HTD2: variants seen among roughly 807,000 people sequenced by gnomAD.
HTD2 encodes hydroxyacyl-thioester dehydratase type 2, mitochondrial.
Under a neutral mutation model 3.1 loss-of-function variants are expected in HTD2, and 1 was observed. That is an observed-to-expected ratio of 0.32 (90% CI 0.11 to 1.52). The LOEUF (loss-of-function observed/expected upper bound fraction) is 1.52, where lower values mean the gene tolerates loss of function less well. Ranked by LOEUF, HTD2 falls within the 40% of genes most tolerant of loss-of-function variation. HTD2 has a pLI of 0.39. For synonymous variants in HTD2, 50 were observed against 28.9 expected (o/e 1.73, Z -2.34); for missense variants, 150 against 79.6 (o/e 1.88, Z -3.36).
rs1281944050 is a variant in HTD2 at position 58,317,491 on chromosome 3, G to A, written c.-123G>A. On this transcript the variant is annotated 5_prime_UTR_variant, in exon 5 of 5. Transcript: ENST00000461393. ...TGGTAATAGTAGGGAACTAGTATTG[G>A]ATTGAATGAATAGTCTTCCATTTTG... The A allele has an allele frequency of 6.3e-7, 1 of 1,579,908 alleles. No individual in the cohort carries two copies. Among genetic ancestry groups the A allele is most frequent in the Non-Finnish European group, 8.7e-7 (1 of 1,150,832 alleles).
intron 2 of HTD2, among the ~76,000 whole-genome samples, chr3:58,312,495 A>G (rs2097483429): frequency 1.3e-5 from 2 of 152,270 alleles, no homozygotes; most frequent in Admixed American, 1.3e-4. Flanking sequence ...TTCAGAAGTG[A>G]TGAATTTTGT....
At chr3:58,313,216 G>A (rs200017506) in intron 2 of HTD2, among the ~76,000 whole-genome samples, 3 of 152,002 alleles carry the variant, frequency 2.0e-5, no homozygotes, top group Admixed American at 6.6e-5. Flanking sequence ...CCGAGATCAC[G>A]CCACTGCACT....
At chr3:58,312,376 C>T (rs1258451343) in intron 2 of HTD2, among the ~76,000 whole-genome samples, 1 of 139,162 alleles carries the variant, frequency 7.2e-6, no homozygotes, top group East Asian at 2.6e-4. Context: ...TCTCCTGCCT[C>T]AGCCTCCCGA....
At chr3:58,310,429 T>C in intron 1 of HTD2, 78 bp from the exon 2 acceptor site, 1 of 1,611,458 alleles carries the variant, frequency 6.2e-7, no homozygotes, top group Non-Finnish European at 8.5e-7. Flanking sequence ...TCCTAAGTTC[T>C]ATTTTAGATT....
intron 2 of HTD2, among the ~76,000 whole-genome samples, chr3:58,315,509 C>T (rs982465991): frequency 1.3e-5 from 2 of 152,078 alleles, no homozygotes; most frequent in African/African-American, 4.8e-5. Flanking sequence ...TAGAGCCACA[C>T]ACAGGTATAA....
At chr3:58,312,776 C>T (rs1257358258) in intron 2 of HTD2, among the ~76,000 whole-genome samples, 9 of 152,022 alleles carry the variant, frequency 5.9e-5, no homozygotes, top group Middle Eastern at 3.4e-3. Flanking sequence ...GCCTGGCCAA[C>T]GTGGTGAAAC....
rs997229689 is a variant in HTD2 at position 58,320,136 on chromosome 3, T to C, written c.*2016T>C. 9 of 152,206 alleles carry C rather than the reference T, an allele frequency of 5.9e-5. No individual in the cohort carries two copies. The highest frequency in any genetic ancestry group is 2.2e-4 in the African/African-American group (9 of 41,456). 9.4% of individuals were successfully genotyped at this position (152,206 alleles called of 1,614,324 possible). A position where few individuals can be genotyped will look rare whatever the true frequency, so the allele number is the denominator to read the frequency against. On this transcript the variant is annotated 3_prime_UTR_variant, in exon 5 of 5. Coordinates refer to ENST00000461393, the MANE Select transcript of HTD2 (RefSeq NM_001348712.2). ...TTCAGGGTTCATCCATGTTACAGCA[T>C]GTATCAGTACATCATTTTATTTTAT...
intron 2 of HTD2, 148 bp downstream of exon 2, chr3:58,310,739 G>A: frequency 3.3e-6 from 2 of 602,164 alleles, no homozygotes; most frequent in Non-Finnish European, 5.8e-6. Context: ...AGACCATCCT[G>A]GCCAACATGG....
rs1461240776 is a variant in HTD2 at position 58,319,505 on chromosome 3, C to T, written c.*1385C>T. 2 of 152,078 alleles carry T rather than the reference C, an allele frequency of 1.3e-5. No individual in the cohort carries two copies. The highest frequency in any genetic ancestry group is 2.9e-5 in the Non-Finnish European group (2 of 68,026). The allele number at this position is 152,078 out of a possible 1,614,324, so 9.4% of individuals were successfully genotyped here. On this transcript the variant is annotated 3_prime_UTR_variant, in exon 5 of 5. Transcript: ENST00000461393. ...CTGGCCCACAGTTAAACGTAACAGA[C>T]CAGTTTTTCAGGGTGTCAGCCAACC...
At chr3:58,308,108 G>C (rs1197047477) in intron 1 of HTD2, 2 of 152,200 alleles carry the variant, frequency 1.3e-5, no homozygotes, top group Non-Finnish European at 2.9e-5. Flanking sequence ...AAACAGATGA[G>C]GTTTCTTGTT....
At chr3:58,315,383 G>T (rs1031498424) in intron 2 of HTD2, among the ~76,000 whole-genome samples, 48 of 152,080 alleles carry the variant, frequency 3.2e-4, no homozygotes, top group Middle Eastern at 3.2e-3. Context: ...GAGGAGTAGG[G>T]GAGGAGGGGT....
intron 1 of HTD2, chr3:58,310,254 A>G (rs1362949657): frequency 7.1e-7 from 1 of 1,402,550 alleles, no homozygotes; most frequent in African/African-American, 1.4e-5. Flanking sequence ...TCTCATCAAA[A>G]CTCTGAAAAA....
At position 58,318,422 on chromosome 3, in the gene HTD2, CTG is replaced by C; in HGVS notation, c.*303_*304del. The C allele has an allele frequency of 5.2e-6, 1 of 192,850 alleles. No homozygotes were observed. The highest frequency in any genetic ancestry group is 1.0e-5 in the Non-Finnish European group (1 of 96,760). The allele number at this position is 192,850 out of a possible 1,614,324, so 11.9% of individuals were successfully genotyped here. A position where few individuals can be genotyped will look rare whatever the true frequency, so the allele number is the denominator to read the frequency against. On this transcript the variant is annotated 3_prime_UTR_variant, in exon 5 of 5. Transcript: ENST00000461393. ...CCTGTAATCCTGGCACTTTGGGAGG[CTG>C]CGGCAGGCGGATCACTTGAGGTCAG...
At chr3:58,311,542 T>C (rs980628230) in intron 2 of HTD2, among the ~76,000 whole-genome samples, 1 of 152,218 alleles carries the variant, frequency 6.6e-6, no homozygotes, top group African/African-American at 2.4e-5. Context: ...CAAAATGGCC[T>C]CCAGTTCTAT....
At chr3:58,315,837 C>G (rs1347388524) in intron 2 of HTD2, 1 of 152,236 alleles carries the variant, frequency 6.6e-6, no homozygotes, top group Admixed American at 6.5e-5. Flanking sequence ...CCACCACACC[C>G]GGCTAATTTT....
Position 58,319,036 on chromosome 3 carries a change from T to C in HTD2, c.*916T>C, listed in dbSNP as rs2097491624. On this transcript the variant is annotated 3_prime_UTR_variant, in exon 5 of 5. Coordinates refer to ENST00000461393, the MANE Select transcript of HTD2 (RefSeq NM_001348712.2). ...CTACTTTTAGAAATTCAGACCTAGATAGATTTGCATTTGGATAACAAATCC... is the reference window on the plus strand; with the variant it reads ...CTACTTTTAGAAATTCAGACCTAGACAGATTTGCATTTGGATAACAAATCC... 6.6e-6 allele frequency: 1 copy of C among 152,038 alleles called. No homozygotes were observed. Among genetic ancestry groups the C allele is most frequent in the Non-Finnish European group, 1.5e-5 (1 of 68,000 alleles). 9.4% of individuals were successfully genotyped at this position (152,038 alleles called of 1,614,324 possible).
chr3:58,307,469 A>G (rs1399487361), intron 1 of HTD2, among the ~76,000 whole-genome samples: 2 of 152,206 alleles, frequency 1.3e-5, no homozygotes, highest in Non-Finnish European at 2.9e-5. Context: ...CATGCCTGTA[A>G]TCCCAGCACT....
Position 58,317,541 on chromosome 3 carries a change from T to A in HTD2, c.-73T>A. 7.7e-7 allele frequency: 1 copy of A among 1,303,826 alleles called. No individual in the cohort carries two copies. The highest frequency in any genetic ancestry group is 2.3e-5 in the East Asian group (1 of 43,486). The allele number at this position is 1,303,826 out of a possible 1,614,324, so 80.8% of individuals were successfully genotyped here. On this transcript the variant is annotated 5_prime_UTR_variant, in exon 5 of 5. Transcript: ENST00000461393. ...GGAAACGTTCATCCACTCTCATATT[T>A]ATTTTTTGGTGCCTGCATGTTTGAA...
At position 58,318,175 on chromosome 3, in the gene HTD2, A is replaced by T; in HGVS notation, c.*55A>T. ...CACCAATGCTGTTGTTAAAGAGCCT[A>T]TGGGGAATTGCTGCTCTTTACCAAA... On this transcript the variant is annotated 3_prime_UTR_variant, in exon 5 of 5. Coordinates refer to ENST00000461393, the MANE Select transcript of HTD2 (RefSeq NM_001348712.2). 1 of 606,838 alleles carries T rather than the reference A, an allele frequency of 1.6e-6. No homozygotes were observed. The highest frequency in any genetic ancestry group is 3.0e-5 in the Admixed American group (1 of 33,382). The allele number at this position is 606,838 out of a possible 1,614,324, so 37.6% of individuals were successfully genotyped here.
Sources: gnomAD v4.1 joint callset for allele counts (sites outside exome capture counted in the v4.1 genomes callset) on GRCh38, gnomAD v4.1.1 for gene constraint, MANE v1.5 for transcripts, NCBI Gene and HGNC (gene_info 2026-07-23, HGNC 2026-07-21) for gene names.